MGAT4C: variants seen among roughly 807,000 people sequenced by gnomAD.
MGAT4C encodes alpha-1,3-mannosyl-glycoprotein 4-beta-N-acetylglucosaminyltransferase C.
MGAT4C carries 19 observed loss-of-function variants against 40.1 expected under a neutral mutation model. The observed-to-expected ratio is 0.47, with a 90% CI of 0.33 to 0.70. The LOEUF is 0.70. MGAT4C is among the 30% of genes least tolerant of loss of function. The probability of loss-of-function intolerance (pLI) is 0.02; values close to 1 mark genes in which losing one functional copy is unlikely to be tolerated. For synonymous variants in MGAT4C, 181 were observed against 187.1 expected, an observed-to-expected ratio of 0.97 and a Z score of 0.27; for missense variants, 491 against 563.2, an observed-to-expected ratio of 0.87 and a Z score of 1.30.
At chr12:86,836,219 T>C (rs761407719) in intron 1 of MGAT4C, among the ~76,000 whole-genome samples, 12 of 152,004 alleles carry the variant, frequency 7.9e-5, no homozygotes, top group Non-Finnish European at 1.6e-4. Flanking sequence ...TGAAAACAAC[T>C]TGATGAACAG....
At chr12:86,539,718 T>C (rs1483481692) in intron 2 of MGAT4C, among the ~76,000 whole-genome samples, 2 of 152,206 alleles carry the variant, frequency 1.3e-5, no homozygotes, top group Non-Finnish European at 2.9e-5. Flanking sequence ...CCATTCTAAC[T>C]GGTGTGAGAT....
chr12:86,064,222 A>C (rs1894282458), intron 1 of MGAT4C, among the ~76,000 whole-genome samples: 1 of 152,162 alleles, frequency 6.6e-6, no homozygotes, highest in African/African-American at 2.4e-5. Context: ...AGTGCAATCA[A>C]ATTAGAACTC....
chr12:86,329,336 G>A (rs1401744428), intron 4 of MGAT4C, among the ~76,000 whole-genome samples: 2 of 152,044 alleles, frequency 1.3e-5, no homozygotes, highest in African/African-American at 4.8e-5. Context: ...GATAAGGGCT[G>A]GTTCAGTGGA....
At chr12:86,528,678 T>G (rs2136369836) in intron 2 of MGAT4C, among the ~76,000 whole-genome samples, 1 of 152,206 alleles carries the variant, frequency 6.6e-6, no homozygotes, top group African/African-American at 2.4e-5. Flanking sequence ...GTGTTTCTGT[T>G]TTAGAAAAAT....
intron 1 of MGAT4C, among the ~76,000 whole-genome samples, chr12:86,780,743 T>G (rs1050751318): frequency 6.6e-6 from 1 of 152,176 alleles, no homozygotes; most frequent in African/African-American, 2.4e-5. Context: ...GGGCTTTTAG[T>G]GTAAACATCA....
intron 2 of MGAT4C, among the ~76,000 whole-genome samples, chr12:86,628,893 A>G (rs185273763): frequency 5.5e-4 from 83 of 152,284 alleles, no homozygotes; most frequent in African/African-American, 1.9e-3. Flanking sequence ...TTCACACATA[A>G]CATATTAACC....
intron 2 of MGAT4C, among the ~76,000 whole-genome samples, chr12:86,497,406 G>T (rs1374341908): frequency 1.3e-5 from 2 of 151,876 alleles, no homozygotes; most frequent in Admixed American, 1.3e-4. Context: ...CATAGTACTT[G>T]AATAATAATG....
intron 1 of MGAT4C, among the ~76,000 whole-genome samples, chr12:86,211,533 G>A (rs924133062): frequency 3.3e-5 from 5 of 151,512 alleles, no homozygotes; most frequent in Non-Finnish European, 7.4e-5. Flanking sequence ...CTTGCAGTGA[G>A]CTGAGATTGC....
At chr12:86,264,162 T>C (rs1241943742) in intron 4 of MGAT4C, among the ~76,000 whole-genome samples, 3 of 152,186 alleles carry the variant, frequency 2.0e-5, no homozygotes, top group Non-Finnish European at 2.9e-5. Flanking sequence ...TTGTTTCTTT[T>C]GCTGTGCAGA....
At chr12:86,456,579 T>C (rs1285958357) in intron 2 of MGAT4C, among the ~76,000 whole-genome samples, 2 of 152,140 alleles carry the variant, frequency 1.3e-5, no homozygotes, top group African/African-American at 4.8e-5. Context: ...TTTTTCATTA[T>C]AGAATATAAT....
intron 1 of MGAT4C, among the ~76,000 whole-genome samples, chr12:86,167,702 C>T (rs1476886433): frequency 6.6e-6 from 1 of 152,154 alleles, no homozygotes; most frequent in Non-Finnish European, 1.5e-5. Context: ...CCTGAGATAA[C>T]AATATTAATC....
At chr12:86,745,687 C>G (rs1038626717) in intron 1 of MGAT4C, among the ~76,000 whole-genome samples, 11 of 151,526 alleles carry the variant, frequency 7.3e-5, no homozygotes. Context: ...ATTAATGGTG[C>G]ATGAATGAAT....
At chr12:86,818,588 A>G (rs1952647674) in intron 1 of MGAT4C, among the ~76,000 whole-genome samples, 1 of 151,054 alleles carries the variant, frequency 6.6e-6, no homozygotes, top group African/African-American at 2.4e-5. Flanking sequence ...TGTCTATTCA[A>G]GTTCAAGAAG....
intron 3 of MGAT4C, among the ~76,000 whole-genome samples, chr12:86,408,477 CTCTATATATATATATATATATA>C (rs1956526814): frequency 1.0e-5 from 1 of 97,588 alleles, no homozygotes; most frequent in South Asian, 3.5e-4. Context: ...CTCTCTCTCT[CTCTATATATATATATATATATA>C]TATATATATA....
chr12:86,514,067 A>AACACAC (rs71078908), intron 2 of MGAT4C, among the ~76,000 whole-genome samples: 6,485 of 133,924 alleles, frequency 0.048, 198 homozygotes, highest in East Asian at 0.14. Flanking sequence ...GCCATGCACC[A>AACACAC]ACACACACAC....
At chr12:86,538,688 A>G (rs541673288) in intron 2 of MGAT4C, among the ~76,000 whole-genome samples, 2 of 151,106 alleles carry the variant, frequency 1.3e-5, no homozygotes, top group South Asian at 4.2e-4. Context: ...GCTCACTGCA[A>G]GCTCCACCTC....
At chr12:86,155,599 T>TATG (rs2135783342) in intron 1 of MGAT4C, among the ~76,000 whole-genome samples, 1 of 152,190 alleles carries the variant, frequency 6.6e-6, no homozygotes, top group South Asian at 2.1e-4. Flanking sequence ...TATGCAAAGG[T>TATG]ATGAAGGAGC....
At chr12:86,084,396 G>A (rs1303747642) in intron 1 of MGAT4C, among the ~76,000 whole-genome samples, 2 of 151,932 alleles carry the variant, frequency 1.3e-5, no homozygotes, top group Non-Finnish European at 2.9e-5. Context: ...TCTTTAAAAG[G>A]AATACATTTT....
At chr12:86,333,649 A>G (rs930906447) in intron 4 of MGAT4C, among the ~76,000 whole-genome samples, 1 of 152,170 alleles carries the variant, frequency 6.6e-6, no homozygotes, top group Non-Finnish European at 1.5e-5. Flanking sequence ...AATCCAAGAG[A>G]AAAACTGGGA....
Sources: allele counts gnomAD v4.1 joint callset (sites outside exome capture counted in the v4.1 genomes callset), GRCh38; gene constraint gnomAD v4.1.1; transcripts MANE v1.5; gene names NCBI Gene and HGNC (gene_info 2026-07-23, HGNC 2026-07-21).